Variants in SMAD6 observed in about 807,000 individuals in gnomAD.
The protein encoded by SMAD6 is MAD homolog 6.
Under a neutral mutation model 39.4 loss-of-function variants are expected in SMAD6, and 103 were observed. The ratio of observed to expected loss-of-function variants is 2.62; its 90% CI spans 2.23 to 3.08. The LOEUF (loss-of-function observed/expected upper bound fraction) is 3.08. Among genes scored for constraint, SMAD6 ranks in the 30% most tolerant of loss-of-function variants. SMAD6 has a pLI of 0.00. For synonymous variants in SMAD6, 445 were observed against 353.3 expected, an observed-to-expected ratio of 1.26 and a Z score of -2.91; for missense variants, 1,104 against 742.9, an observed-to-expected ratio of 1.49 and a Z score of -5.65.
At chr15:66,731,194 T>G (rs1172271326) in intron 3 of SMAD6, among the ~76,000 whole-genome samples, 6 of 151,962 alleles carry the variant, frequency 3.9e-5, no homozygotes, top group African/African-American at 1.5e-4. Flanking sequence ...ATCCCAGCAC[T>G]TTGGGAGGCC....
rs780999158 is a variant in SMAD6, at chr15:66,781,476, C to CGGCAG, written c.1433_1437dup (p.Phe480GlyfsTer61). On this transcript the variant is annotated frameshift_variant, in exon 4 of 4. Transcript: ENST00000288840. LOFTEE classifies it high-confidence loss of function. ...CAAGGGCTGGGGGCCCTGCTACTCCCGGCAGTTCATCACCTCCTGCCCCTG... is the reference window on the plus strand; with the variant it reads ...CAAGGGCTGGGGGCCCTGCTACTCCCGGCAGGGCAGTTCATCACCTCCTGCCCCTG... The CGGCAG allele has an allele frequency of 6.3e-7, 1 of 1,599,644 alleles. No homozygotes were observed. Among genetic ancestry groups the CGGCAG allele is most frequent in the South Asian group, 1.1e-5 (1 of 90,582 alleles).
chr15:66,738,211 C>T (rs1430084542), intron 3 of SMAD6, among the ~76,000 whole-genome samples: 2 of 152,166 alleles, frequency 1.3e-5, no homozygotes, highest in Non-Finnish European at 2.9e-5. Context: ...AAACAGCCCC[C>T]TGCCCGTGGG....
At chr15:66,772,909 G>A (rs180739929) in intron 3 of SMAD6, among the ~76,000 whole-genome samples, 28 of 152,222 alleles carry the variant, frequency 1.8e-4, no homozygotes, top group Admixed American at 5.2e-4. Flanking sequence ...CTGTTTTTGC[G>A]CCTTGGCCAT....
chr15:66,742,972 G>A (rs1003179285), intron 3 of SMAD6, among the ~76,000 whole-genome samples: 1 of 152,132 alleles, frequency 6.6e-6, no homozygotes, highest in African/African-American at 2.4e-5. Context: ...TCCACAGTTA[G>A]CATGTGGTGG....
In SMAD6 at chr15:66,703,135, ACG is replaced by A. The variant is rs1893011519; in HGVS notation, c.-123_-122del. 3 of 668,876 alleles carry A rather than the reference ACG, an allele frequency of 4.5e-6. No homozygotes were observed. The allele number at this position is 668,876 out of a possible 1,614,324, so 41.4% of individuals were successfully genotyped here. ...CGACGACAGGCTGTGCGCGGTCTGC[ACG>A]GCGCTCCGCGGCGGAGCTTCATGTG... is the stretch of plus-strand genomic sequence containing the variant. On this transcript the variant is annotated 5_prime_UTR_variant, in exon 1 of 4. The change abolishes the stop of an existing upstream ORF in the 5' untranslated region. Coordinates refer to ENST00000288840, the MANE Select transcript of SMAD6 (RefSeq NM_005585.5).
At chr15:66,737,372 C>T (rs560161485) in intron 3 of SMAD6, among the ~76,000 whole-genome samples, 1 of 152,230 alleles carries the variant, frequency 6.6e-6, no homozygotes, top group Non-Finnish European at 1.5e-5. Context: ...CCACCCCATC[C>T]TTCATTGACT....
At position 66,702,902 on chromosome 15, in the gene SMAD6, T is replaced by G; in HGVS notation, c.-357T>G. The stretch of plus-strand genomic sequence containing the variant: ...GTGCTCATGGACCAGCCGCACAACT[T>G]TTGAAGGCTCGCCGGCCCATGTGGG... On this transcript the variant is annotated 5_prime_UTR_variant, in exon 1 of 4. Coordinates refer to ENST00000288840, the MANE Select transcript of SMAD6 (RefSeq NM_005585.5). 1.5e-5 allele frequency: 3 copies of G among 197,878 alleles called. No homozygotes were observed. The highest frequency in any genetic ancestry group is 1.9e-4 in the South Asian group (1 of 5,350). 12.3% of individuals were successfully genotyped at this position (197,878 alleles called of 1,614,324 possible). A position where few individuals can be genotyped will look rare whatever the true frequency, so the allele number is the denominator to read the frequency against.
chr15:66,703,012 A>G lies in SMAD6; in HGVS notation c.-247A>G, dbSNP rs1037262331. The G allele has an allele frequency of 5.6e-6, 2 of 360,140 alleles. No homozygotes were observed. Among genetic ancestry groups the G allele is most frequent in the Non-Finnish European group, 1.0e-5 (2 of 194,788 alleles). 22.3% of individuals were successfully genotyped at this position (360,140 alleles called of 1,614,324 possible). A position where few individuals can be genotyped will look rare whatever the true frequency, so the allele number is the denominator to read the frequency against. ...GCAGCCCCGCCGCTGTGGTCCATGTAGCCGCTGGCCGCGCGCGGACTGCGG... is the reference window on the plus strand; with the variant it reads ...GCAGCCCCGCCGCTGTGGTCCATGTGGCCGCTGGCCGCGCGCGGACTGCGG... On this transcript the variant is annotated 5_prime_UTR_variant, in exon 1 of 4. It removes the in-frame stop codon of an upstream open reading frame in the 5' UTR. Coordinates refer to ENST00000288840, the MANE Select transcript of SMAD6 (RefSeq NM_005585.5).
At chr15:66,750,665 TG>T (rs1373675028) in intron 3 of SMAD6, among the ~76,000 whole-genome samples, 1 of 151,948 alleles carries the variant, frequency 6.6e-6, no homozygotes, top group Non-Finnish European at 1.5e-5. Flanking sequence ...AGGAGAGTGC[TG>T]GGAAGGGAAG....
intron 3 of SMAD6, among the ~76,000 whole-genome samples, chr15:66,734,826 C>T (rs1384950279): frequency 6.6e-6 from 1 of 152,146 alleles, no homozygotes; most frequent in Non-Finnish European, 1.5e-5. Flanking sequence ...CTGAACTATG[C>T]ACATTAAAAC....
chr15:66,734,541 C>G (rs10163061), intron 3 of SMAD6, among the ~76,000 whole-genome samples: 45,323 of 152,130 alleles, frequency 0.3, 7,040 homozygotes, highest in East Asian at 0.44. Context: ...GTACTTGGCA[C>G]TACCCTTTAG....
chr15:66,720,237 T>A (rs1595768521), intron 3 of SMAD6, among the ~76,000 whole-genome samples: 1 of 86,890 alleles, frequency 1.2e-5, no homozygotes, highest in Non-Finnish European at 2.4e-5. Context: ...GTAGGCAAAC[T>A]TTTTTTTTTT....
chr15:66,738,423 CAG>C (rs1196218437), intron 3 of SMAD6, among the ~76,000 whole-genome samples: 1 of 152,174 alleles, frequency 6.6e-6, no homozygotes, highest in African/African-American at 2.4e-5. Context: ...GTGGACATGG[CAG>C]GGGGTTGTGA....
intron 1 of SMAD6, among the ~76,000 whole-genome samples, chr15:66,708,926 T>C (rs924087571): frequency 4.6e-5 from 7 of 152,380 alleles, no homozygotes; most frequent in African/African-American, 1.7e-4. Flanking sequence ...TCTTAGGGTA[T>C]GTGAATTATA....
At chr15:66,778,407 C>G (rs7175705) in intron 3 of SMAD6, among the ~76,000 whole-genome samples, 15,801 of 152,200 alleles carry the variant, frequency 0.1, 955 homozygotes, top group African/African-American at 0.16. Context: ...GCCCCCTGTG[C>G]CCCTGTCCTT....
chr15:66,709,902 CT>C (rs1432406127), intron 1 of SMAD6, among the ~76,000 whole-genome samples: 1 of 152,228 alleles, frequency 6.6e-6, no homozygotes, highest in Non-Finnish European at 1.5e-5. Context: ...TGAGAGCCCC[CT>C]AGATCCTCTT....
chr15:66,760,306 C>T (rs1394004916), intron 3 of SMAD6, among the ~76,000 whole-genome samples: 2 of 152,144 alleles, frequency 1.3e-5, no homozygotes, highest in Non-Finnish European at 1.5e-5. Flanking sequence ...GAGCAGTGCC[C>T]ATCATGGGTG....
Position 66,782,006 on chromosome 15 carries a change from T to C in SMAD6, c.*471T>C. On this transcript the variant is annotated 3_prime_UTR_variant, in exon 4 of 4. Transcript: ENST00000288840. ...GCATTATAGTTTTTTTTAAACTGTC[T>C]TCTTTTTACAAAGAGGGGCAGGTAG... 2 of 398,968 alleles carry C rather than the reference T, an allele frequency of 5.0e-6. No individual in the cohort carries two copies. Among genetic ancestry groups the C allele is most frequent in the Non-Finnish European group, 4.4e-6 (1 of 226,044 alleles). The allele number at this position is 398,968 out of a possible 1,614,324, so 24.7% of individuals were successfully genotyped here. A position where few individuals can be genotyped will look rare whatever the true frequency, so the allele number is the denominator to read the frequency against.
At chr15:66,714,281 G>C (rs1893285256) in intron 2 of SMAD6, among the ~76,000 whole-genome samples, 1 of 152,096 alleles carries the variant, frequency 6.6e-6, no homozygotes. Context: ...AGATGACTGA[G>C]GCCCAGAAAG....
Sources: gnomAD v4.1 joint callset for allele counts (sites outside exome capture counted in the v4.1 genomes callset) on GRCh38, gnomAD v4.1.1 for gene constraint, MANE v1.5 for transcripts, NCBI Gene and HGNC (gene_info 2026-07-23, HGNC 2026-07-21) for gene names.